Variants in DOCK7 observed in about 807,000 individuals in gnomAD.
DOCK7 encodes dedicator of cytokinesis 7, also known as dedicator of cytokinesis protein 7.
DOCK7 carries 138 observed loss-of-function variants against 271.0 expected under a neutral mutation model. The observed-to-expected ratio is 0.51, with a 90% CI of 0.44 to 0.59. The LOEUF (loss-of-function observed/expected upper bound fraction) is 0.59, where lower values mean the gene tolerates loss of function less well. Among genes scored for constraint, DOCK7 ranks in the 20% least tolerant of loss-of-function variants. The probability of loss-of-function intolerance (pLI) is 0.00; values close to 1 mark genes in which losing one functional copy is unlikely to be tolerated. For synonymous variants in DOCK7, 823 were observed against 876.1 expected (o/e 0.94, Z 1.07); for missense variants, 2,066 against 2,592.4 (o/e 0.80, Z 4.41).
chr1:62,681,726 A>C (rs1362649346), intron 1 of DOCK7, among the ~76,000 whole-genome samples: 9 of 152,116 alleles, frequency 5.9e-5, no homozygotes, highest in Admixed American at 5.9e-4. Context: ...CTACTATAGA[A>C]TGGATTGATT....
intron 18 of DOCK7, among the ~76,000 whole-genome samples, chr1:62,563,352 T>A (rs575522151): frequency 6.6e-5 from 10 of 152,096 alleles, no homozygotes; most frequent in Non-Finnish European, 8.8e-5. Flanking sequence ...TTATTCATCA[T>A]ATCAACTAGG....
At chr1:62,598,147 T>G (rs1285517120) in intron 14 of DOCK7, 1 of 1,251,894 alleles carries the variant, frequency 8.0e-7, no homozygotes, top group Non-Finnish European at 1.1e-6. Flanking sequence ...CCATTTGAAA[T>G]ACTTTGTTGC....
intron 15 of DOCK7, 95 bp downstream of exon 15, chr1:62,586,412 T>C (rs2149498803): frequency 1.2e-6 from 1 of 821,710 alleles, no homozygotes; most frequent in East Asian, 2.6e-5. Context: ...AAAGATCACA[T>C]TAATTTCCAG....
At chr1:62,642,989 T>G (rs572322879) in intron 7 of DOCK7, among the ~76,000 whole-genome samples, 1 of 144,546 alleles carries the variant, frequency 6.9e-6, no homozygotes, top group East Asian at 2.0e-4. Flanking sequence ...ATAAATGATA[T>G]GCTGTAAGAG....
intron 14 of DOCK7, among the ~76,000 whole-genome samples, chr1:62,610,101 G>A (rs191635606): frequency 3.2e-4 from 49 of 152,082 alleles, no homozygotes; most frequent in Middle Eastern, 3.4e-3. Context: ...CGCCTTCCTC[G>A]GCCTCCCAAA....
chr1:62,576,141 T>C (rs1646935932), intron 18 of DOCK7, among the ~76,000 whole-genome samples: 1 of 152,196 alleles, frequency 6.6e-6, no homozygotes, highest in South Asian at 2.1e-4. Flanking sequence ...TAGACAGCAA[T>C]GAGCAAGACA....
chr1:62,535,414 A>G, intron 29 of DOCK7, 79 bp downstream of exon 29: 1 of 1,249,070 alleles, frequency 8.0e-7, no homozygotes, highest in Non-Finnish European at 1.1e-6. Flanking sequence ...CCTAATCCTC[A>G]GGAAATGTGA....
At chr1:62,614,017 C>CT (rs929152462) in intron 14 of DOCK7, among the ~76,000 whole-genome samples, 15 of 151,884 alleles carry the variant, frequency 9.9e-5, no homozygotes, top group South Asian at 6.3e-4. Context: ...CTTTATCTTC[C>CT]TTTTTTTTAA....
chr1:62,458,669 A>G (rs926256191), intron 48 of DOCK7: 1 of 151,632 alleles, frequency 6.6e-6, no homozygotes, highest in Admixed American at 6.6e-5. Context: ...GGTAGCTGGG[A>G]TTACAGGCGC....
intron 14 of DOCK7, among the ~76,000 whole-genome samples, chr1:62,594,522 A>G (rs1648936484): frequency 6.6e-6 from 1 of 152,070 alleles, no homozygotes; most frequent in South Asian, 2.1e-4. Flanking sequence ...TATAGAAGGA[A>G]ATAATTTCAT....
chr1:62,518,269 T>C (rs1205305297), intron 31 of DOCK7, among the ~76,000 whole-genome samples: 1 of 151,930 alleles, frequency 6.6e-6, no homozygotes, highest in Non-Finnish European at 1.5e-5. Context: ...AACTCATCTC[T>C]ACTAAAAATA....
intron 1 of DOCK7, among the ~76,000 whole-genome samples, chr1:62,671,966 C>CCA (rs796989799): frequency 1.4e-5 from 2 of 141,744 alleles, no homozygotes; most frequent in South Asian, 4.4e-4. Context: ...AAAATGAAGA[C>CCA]AAAAAAAAAA....
At chr1:62,667,680 G>A (rs1276217644) in intron 1 of DOCK7, among the ~76,000 whole-genome samples, 3 of 151,810 alleles carry the variant, frequency 2.0e-5, no homozygotes, top group African/African-American at 7.3e-5. Flanking sequence ...TCACGTGACT[G>A]CACTCCAGCC....
intron 14 of DOCK7, among the ~76,000 whole-genome samples, chr1:62,602,968 C>T (rs1044479320): frequency 6.6e-6 from 1 of 151,486 alleles, no homozygotes; most frequent in African/African-American, 2.4e-5. Flanking sequence ...AAAGCACATA[C>T]AAAAATCCAT....
rs538793280 is a variant in DOCK7, at chr1:62,492,099, T to C, written c.5361+605A>G. On this transcript the variant is annotated intron_variant, in intron 41 of 49. Transcript: ENST00000635253. Reference sequence around the variant, plus strand: ...GATGGTGTGCCCCTGTGCCCCTGTATTCCCAGCTACCCAGGAGGCTGAGGT... The same window carrying C: ...GATGGTGTGCCCCTGTGCCCCTGTACTCCCAGCTACCCAGGAGGCTGAGGT... 3.9e-5 allele frequency among the ~76,000 whole-genome samples: 6 copies of C among 152,036 alleles called. No individual in the cohort carries two copies. The East Asian group carries it at 1.2e-3, about 30-fold the overall frequency.
intron 31 of DOCK7, among the ~76,000 whole-genome samples, chr1:62,522,829 A>C (rs1433698881): frequency 1.3e-5 from 2 of 152,116 alleles, no homozygotes; most frequent in African/African-American, 4.8e-5. Context: ...AATAAAAATC[A>C]TTGTACAAAA....
At chr1:62,685,277 C>T (rs1661597677) in intron 1 of DOCK7, among the ~76,000 whole-genome samples, 1 of 152,180 alleles carries the variant, frequency 6.6e-6, no homozygotes, top group South Asian at 2.1e-4. Flanking sequence ...GTTTACTCAA[C>T]GAGTGGCTGT....
At chr1:62,600,731 A>C (rs1433450119) in intron 14 of DOCK7, among the ~76,000 whole-genome samples, 1 of 151,804 alleles carries the variant, frequency 6.6e-6, no homozygotes, top group Admixed American at 6.6e-5. Context: ...GAAAATTATT[A>C]AACTTAAAAT....
chr1:62,505,554 AAATTTT>A, intron 36 of DOCK7, 122 bp downstream of exon 36: 1 of 1,066,646 alleles, frequency 9.4e-7, no homozygotes, highest in South Asian at 2.2e-5. Flanking sequence ...GTTATTATTT[AAATTTT>A]AACTACACAT....
Sources: allele counts gnomAD v4.1 joint callset (sites outside exome capture counted in the v4.1 genomes callset), GRCh38; gene constraint gnomAD v4.1.1; transcripts MANE v1.5; gene names NCBI Gene and HGNC (gene_info 2026-07-23, HGNC 2026-07-21).